The following GNPTAB variants were observed in gnomAD, a reference collection of about 807,000 sequenced individuals.
GNPTAB encodes the protein N-acetylglucosamine-1-phosphotransferase subunits alpha/beta.
A neutral mutation model predicts 136.6 loss-of-function variants in GNPTAB; 92 were observed. That is an observed-to-expected ratio of 0.67 (90% CI 0.57 to 0.80). The LOEUF (loss-of-function observed/expected upper bound fraction) is 0.80, where lower values mean the gene tolerates loss of function less well. GNPTAB is among the 30% of genes least tolerant of loss of function. The pLI, the probability that GNPTAB is intolerant of heterozygous loss-of-function variation, is 0.00. For missense variants in GNPTAB, 1,343 were observed against 1,501.8 expected, an observed-to-expected ratio of 0.89 and a Z score of 1.75; for synonymous variants, 512 against 535.1, an observed-to-expected ratio of 0.96 and a Z score of 0.60.
rs1566074476 is a variant in GNPTAB at position 101,765,083 on chromosome 12, G to A, written c.1834C>T (p.His612Tyr). 2 of 1,613,920 alleles carry A rather than the reference G, an allele frequency of 1.2e-6. No individual in the cohort carries two copies. The highest frequency in any genetic ancestry group is 2.7e-5 in the African/African-American group (2 of 74,920). Residue 612 changes from histidine (H) to tyrosine (Y), a missense_variant, in exon 13 of 21, where the codon CAT becomes TAT. Coordinates refer to ENST00000299314, the MANE Select transcript of GNPTAB (RefSeq NM_024312.5). ...MHSGMNATTIHFNLTFQNTND... is the reference protein window; with the variant it reads ...MHSGMNATTIYFNLTFQNTND... ...GTATTTTGAAACGTGAGATTAAAAT[G>A]TATTGTGGTGGCATTCATTCCACTG...
At chr12:101,754,759 C>G (rs1952876757) in intron 18 of GNPTAB, among the ~76,000 whole-genome samples, 1 of 149,116 alleles carries the variant, frequency 6.7e-6, no homozygotes, top group Non-Finnish European at 1.5e-5. Context: ...AAAAATCAAA[C>G]AAACCTGATA....
At position 101,802,189 on chromosome 12, in the gene GNPTAB, C is replaced by A. The variant is rs142502752; in HGVS notation, c.118-5427G>T. Reference sequence around the variant, plus strand: ...CTCAAGCCTGGATGACAGAGCAAGACCCTGTCTCTTAAAAAAAAAAAAAAA... The same window carrying A: ...CTCAAGCCTGGATGACAGAGCAAGAACCTGTCTCTTAAAAAAAAAAAAAAA... On this transcript the variant is annotated intron_variant, in intron 1 of 20. Coordinates refer to ENST00000299314, the MANE Select transcript of GNPTAB (RefSeq NM_024312.5). Among the ~76,000 whole-genome samples, 525 of 131,516 alleles carry A rather than the reference C, an allele frequency of 4.0e-3. 7 individuals carry two copies. The highest frequency in any genetic ancestry group is 0.014 in the African/African-American group (476 of 33,968). 86.3% of individuals were successfully genotyped at this position (131,516 alleles called of 152,430 possible).
chr12:101,749,640 T>C (rs1220711960), intron 19 of GNPTAB, among the ~76,000 whole-genome samples: 1 of 152,194 alleles, frequency 6.6e-6, no homozygotes, highest in Non-Finnish European at 1.5e-5. Context: ...CACAGAAATA[T>C]GCATTATCAA....
intron 1 of GNPTAB, among the ~76,000 whole-genome samples, chr12:101,813,667 C>CA (rs952032416): frequency 2.0e-4 from 31 of 152,166 alleles, no homozygotes; most frequent in African/African-American, 7.5e-4. Flanking sequence ...CAGCAGTTCT[C>CA]AAACTTTTTG....
chr12:101,812,238 G>A (rs1566097700), intron 1 of GNPTAB, among the ~76,000 whole-genome samples: 2 of 152,132 alleles, frequency 1.3e-5, no homozygotes, highest in Non-Finnish European at 2.9e-5. Context: ...GACAGAGTGA[G>A]ACCCTGTCTC....
At chr12:101,816,458 T>C (rs982844925) in intron 1 of GNPTAB, among the ~76,000 whole-genome samples, 1 of 152,178 alleles carries the variant, frequency 6.6e-6, no homozygotes, top group African/African-American at 2.4e-5. Flanking sequence ...TGCTCAACAT[T>C]ACAAGTTATC....
At chr12:101,820,473 C>T (rs1296670809) in intron 1 of GNPTAB, among the ~76,000 whole-genome samples, 2 of 152,156 alleles carry the variant, frequency 1.3e-5, no homozygotes, top group African/African-American at 2.4e-5. Flanking sequence ...CTTCTAATTC[C>T]GGATTTCTCA....
At chr12:101,800,396 G>T (rs1869544611) in intron 1 of GNPTAB, among the ~76,000 whole-genome samples, 1 of 151,816 alleles carries the variant, frequency 6.6e-6, no homozygotes, top group Non-Finnish European at 1.5e-5. Flanking sequence ...TTAAATCAAT[G>T]GATAGAGAAC....
intron 3 of GNPTAB, among the ~76,000 whole-genome samples, chr12:101,789,427 AC>A (rs1402986267): frequency 6.6e-6 from 1 of 152,034 alleles, no homozygotes; most frequent in Non-Finnish European, 1.5e-5. Context: ...AAATCAACTT[AC>A]CCTTCTCTAA....
intron 1 of GNPTAB, chr12:101,810,469 A>G (rs997362131): frequency 6.7e-6 from 1 of 149,530 alleles, no homozygotes; most frequent in Admixed American, 6.7e-5. Context: ...ACACACACAC[A>G]TATATATAAA....
chr12:101,815,773 G>A (rs964059336), intron 1 of GNPTAB, among the ~76,000 whole-genome samples: 1 of 152,162 alleles, frequency 6.6e-6, no homozygotes, highest in African/African-American at 2.4e-5. Context: ...TAAGCTTGAG[G>A]CATCACACTA....
intron 1 of GNPTAB, among the ~76,000 whole-genome samples, chr12:101,825,556 G>C (rs1317475411): frequency 2.6e-5 from 4 of 152,096 alleles, no homozygotes; most frequent in Non-Finnish European, 4.4e-5. Flanking sequence ...CTTTCTAGTG[G>C]CTAAGAATAC....
intron 17 of GNPTAB, 38 bp downstream of exon 17, chr12:101,757,534 C>A: frequency 9.9e-7 from 1 of 1,006,098 alleles, no homozygotes; most frequent in Admixed American, 1.7e-5. Flanking sequence ...TGTGATTACT[C>A]TTATACTAAA....
At position 101,789,924 on chromosome 12, in the gene GNPTAB, A is replaced by G. The variant is rs1031581466; in HGVS notation, c.323+14T>C. On this transcript the variant is annotated intron_variant, in intron 3 of 20. Transcript: ENST00000299314. ...ACATTACCCATCTGATGTGAAAAAA[A>G]AAATCAGTTTTACCTCATTGCTTTC... The G allele has an allele frequency of 4.3e-6, 7 of 1,613,826 alleles. No individual in the cohort carries two copies. Among genetic ancestry groups the G allele is most frequent in the Admixed American group, 1.7e-5 (1 of 60,006 alleles).
In GNPTAB at chr12:101,745,993, CT is replaced by C. The variant is rs1808667267; in HGVS notation, c.*1170del. On this transcript the variant is annotated 3_prime_UTR_variant, in exon 21 of 21. Coordinates refer to ENST00000299314, the MANE Select transcript of GNPTAB (RefSeq NM_024312.5). ...GTTGCAGTGAGCTGAGATTGCGCCA[CT>C]GCACTCCAGCCTGGGCAACAGAGAG... The C allele has an allele frequency of 6.6e-6, 1 of 152,424 alleles. No homozygotes were observed. Among genetic ancestry groups the C allele is most frequent in the African/African-American group, 2.4e-5 (1 of 41,434 alleles). The allele number at this position is 152,424 out of a possible 1,614,324, so 9.4% of individuals were successfully genotyped here.
chr12:101,761,858 C>G, intron 13 of GNPTAB, 95 bp from the exon 14 acceptor site: 1 of 923,058 alleles, frequency 1.1e-6, no homozygotes, highest in Non-Finnish European at 1.8e-6. Context: ...AATAACTAGT[C>G]ACGAACTCTT....
intron 3 of GNPTAB, among the ~76,000 whole-genome samples, chr12:101,789,065 G>C (rs1418262148): frequency 6.6e-6 from 1 of 152,138 alleles, no homozygotes; most frequent in African/African-American, 2.4e-5. Flanking sequence ...TTTTCAAATG[G>C]AAACAAGTCT....
At chr12:101,772,069 A>C (rs771628313) in intron 7 of GNPTAB, among the ~76,000 whole-genome samples, 1 of 152,200 alleles carries the variant, frequency 6.6e-6, no homozygotes, top group Non-Finnish European at 1.5e-5. Flanking sequence ...GCAATCATAA[A>C]TCTAAGCGTG....
Position 101,830,915 on chromosome 12 carries a change from A to C in GNPTAB, c.-240T>G, listed in dbSNP as rs1360264792. 1.8e-4 allele frequency: 26 copies of C among 146,562 alleles called. 1 individual carries two copies. The highest frequency in any genetic ancestry group is 1.7e-3 in the Admixed American group (25 of 14,744). 9.1% of individuals were successfully genotyped at this position (146,562 alleles called of 1,614,324 possible). On this transcript the variant is annotated 5_prime_UTR_variant, in exon 1 of 21. Transcript: ENST00000299314. ...GGCGGAGGCGGACCTGCGGCCGGCG[A>C]GGCGGCCGGCGCCGCCCGGGTCTGG...
Sources: gnomAD v4.1 joint callset for allele counts (sites outside exome capture counted in the v4.1 genomes callset) on GRCh38, gnomAD v4.1.1 for gene constraint, MANE v1.5 for transcripts, NCBI Gene and HGNC (gene_info 2026-07-23, HGNC 2026-07-21) for gene names.